ABLIM2: variants seen among roughly 807,000 people sequenced by gnomAD.
ABLIM2 encodes actin binding LIM protein family member 2.
Under a neutral mutation model 97.7 loss-of-function variants are expected in ABLIM2, and 53 were observed. That is an observed-to-expected ratio of 0.54 (90% CI 0.44 to 0.68). The LOEUF (loss-of-function observed/expected upper bound fraction) is 0.68, where lower values mean the gene tolerates loss of function less well. ABLIM2 is among the 30% of genes least tolerant of loss of function. ABLIM2 has a pLI of 0.00. For synonymous variants in ABLIM2, 361 were observed against 345.8 expected (o/e 1.04, Z -0.49); for missense variants, 835 against 867.2 (o/e 0.96, Z 0.47).
chr4:8,078,739 T>C (rs776821461), intron 5 of ABLIM2, among the ~76,000 whole-genome samples: 12 of 152,168 alleles, frequency 7.9e-5, no homozygotes, highest in Non-Finnish European at 1.8e-4. Flanking sequence ...CCCAACTGCA[T>C]AATGGGGGAA....
Position 8,112,031 on chromosome 4 carries a change from TCTAA to T in ABLIM2, c.11-5398_11-5395del, listed in dbSNP as rs1305209760. Among the ~76,000 whole-genome samples the T allele has an allele frequency of 1.3e-5, 2 of 152,090 alleles. No homozygotes were observed. The highest frequency in any genetic ancestry group is 4.8e-5 in the African/African-American group (2 of 41,386). Reference sequence around the variant, plus strand: ...CTCCAATAATTTGGCTTAACAAGTCTCTAACTGTGATAATAACATAGAACATAAA... The same window carrying T: ...CTCCAATAATTTGGCTTAACAAGTCTCTGTGATAATAACATAGAACATAAA... On this transcript the variant is annotated intron_variant, in intron 1 of 20. Transcript: ENST00000447017. This position sits in a 1 kb window ranked among gnomAD's most constrained non-coding sequence, Gnocchi z 4.2.
chr4:8,062,291 C>T (rs1561073524), intron 6 of ABLIM2, among the ~76,000 whole-genome samples: 1 of 152,222 alleles, frequency 6.6e-6, no homozygotes, highest in Admixed American at 6.5e-5. Flanking sequence ...AGCGCAGGGC[C>T]TGGCACCTGG....
intron 12 of ABLIM2, among the ~76,000 whole-genome samples, chr4:8,026,554 T>C (rs1207700655): frequency 6.6e-6 from 1 of 152,260 alleles, no homozygotes; most frequent in Non-Finnish European, 1.5e-5. Flanking sequence ...GGGAGGCTTT[T>C]CCAGAGACAT....
intron 1 of ABLIM2, among the ~76,000 whole-genome samples, chr4:8,133,635 G>A (rs978695153): frequency 6.6e-6 from 1 of 152,154 alleles, no homozygotes; most frequent in African/African-American, 2.4e-5. Flanking sequence ...CCCGGGTCCC[G>A]CTCTCCTCGC....
In ABLIM2 at chr4:8,005,095, A is replaced by C. The variant is rs1025608693; in HGVS notation, c.1618+2964T>G. Among the ~76,000 whole-genome samples, 1 of 152,148 alleles carries C rather than the reference A, an allele frequency of 6.6e-6. No homozygotes were observed. Among genetic ancestry groups the C allele is most frequent in the Non-Finnish European group, 1.5e-5 (1 of 68,018 alleles). ...TGAATGATGAACTCAGTCCCGGGTG[A>C]GATGTGCAGATGGTGTTGTGGGTGA... On this transcript the variant is annotated intron_variant, in intron 16 of 20. Transcript: ENST00000447017. The surrounding 1 kb of genome is among the most constrained non-coding windows in gnomAD (Gnocchi z 4.9).
chr4:7,997,435 G>C (rs1285460680), intron 16 of ABLIM2, among the ~76,000 whole-genome samples: 1 of 152,156 alleles, frequency 6.6e-6, no homozygotes, highest in African/African-American at 2.4e-5. Flanking sequence ...GGAATTGAAT[G>C]AAACAAATAT....
At chr4:8,031,726 A>ATTTTT (rs11312218) in intron 10 of ABLIM2, among the ~76,000 whole-genome samples, 1 of 139,914 alleles carries the variant, frequency 7.1e-6, no homozygotes, top group Non-Finnish European at 1.5e-5. Context: ...ATAAATATAC[A>ATTTTT]TTTTTTTTTT....
chr4:8,105,199 G>C lies in ABLIM2; in HGVS notation c.154+1295C>G, dbSNP rs571670176. 2.2e-4 allele frequency among the ~76,000 whole-genome samples: 33 copies of C among 152,306 alleles called. 1 individual carries two copies. In the South Asian group the frequency reaches 6.8e-3, roughly 32 times the overall value. Reference sequence around the variant, plus strand: ...CTGCCAGGCAGATTTCTACTCCCGAGGTTCTAGCCAGCACGCCACCTCCTC... The same window carrying C: ...CTGCCAGGCAGATTTCTACTCCCGACGTTCTAGCCAGCACGCCACCTCCTC... On this transcript the variant is annotated intron_variant, in intron 2 of 20. Coordinates refer to ENST00000447017, the MANE Select transcript of ABLIM2 (RefSeq NM_001130083.2).
intron 1 of ABLIM2, among the ~76,000 whole-genome samples, chr4:8,154,245 A>G (rs1281844875): frequency 1.4e-5 from 2 of 144,408 alleles, no homozygotes; most frequent in Non-Finnish European, 3.0e-5. Flanking sequence ...TACAGGCGTG[A>G]GCCACCGCAC....
At position 7,970,968 on chromosome 4, in the gene ABLIM2, C is replaced by T. The variant is rs1164670847; in HGVS notation, c.1825-3865G>A. 2.0e-5 allele frequency among the ~76,000 whole-genome samples: 3 copies of T among 152,178 alleles called. No individual in the cohort carries two copies. Among genetic ancestry groups the T allele is most frequent in the Middle Eastern group, 3.4e-3 (1 of 294 alleles). On this transcript the variant is annotated intron_variant, in intron 20 of 20. Transcript: ENST00000447017. The surrounding 1 kb of genome is among the most constrained non-coding windows in gnomAD (Gnocchi z 5.3). ...AGGCTCCAGTCCTGTTTTCTGTCTG[C>T]AGCGTGAGAGAACTTGGTTGCCTGG...
Position 7,970,890 on chromosome 4 carries a change from G to C in ABLIM2, c.1825-3787C>G, listed in dbSNP as rs73798054. 5.9e-3 allele frequency among the ~76,000 whole-genome samples: 901 copies of C among 152,110 alleles called. 11 individuals carry two copies. The highest frequency in any genetic ancestry group is 0.021 in the African/African-American group (856 of 41,512). The stretch of plus-strand genomic sequence containing the variant: ...AGGCCACTCGTATGTGGCCTACAGG[G>C]CCCAGGACTTGGGGCCAGGGGTCTA... On this transcript the variant is annotated intron_variant, in intron 20 of 20. Transcript: ENST00000447017. The surrounding 1 kb of genome is among the most constrained non-coding windows in gnomAD (Gnocchi z 5.3).
In ABLIM2 at chr4:8,032,374, G is replaced by T. The variant is rs974481382; in HGVS notation, c.1048-2598C>A. Among the ~76,000 whole-genome samples the T allele has an allele frequency of 6.6e-6, 1 of 152,162 alleles. No individual in the cohort carries two copies. Among genetic ancestry groups the T allele is most frequent in the Non-Finnish European group, 1.5e-5 (1 of 68,036 alleles). ...TGAATTTTCCCCTAAAGGAAGCCAC[G>T]GCCCAGACCACGATCTGCTCAGGGT... On this transcript the variant is annotated intron_variant, in intron 10 of 20. Transcript: ENST00000447017. The surrounding 1 kb of genome is among the most constrained non-coding windows in gnomAD (Gnocchi z 4.3).
intron 1 of ABLIM2, among the ~76,000 whole-genome samples, chr4:8,108,165 C>T (rs1474651705): frequency 6.6e-6 from 1 of 152,248 alleles, no homozygotes; most frequent in Non-Finnish European, 1.5e-5. Flanking sequence ...CAGTGGTCAA[C>T]CTGTCAGATA....
rs1230942337 is a variant in ABLIM2, at chr4:8,019,446, A to T, written c.1423+172T>A. Reference sequence around the variant, plus strand: ...ACCCTTCATCGTAATTTATCAGAACAGGACTCTCGGGAGGCTGCTAGTGAA... The same window carrying T: ...ACCCTTCATCGTAATTTATCAGAACTGGACTCTCGGGAGGCTGCTAGTGAA... On this transcript the variant is annotated intron_variant, in intron 14 of 20. Coordinates refer to ENST00000447017, the MANE Select transcript of ABLIM2 (RefSeq NM_001130083.2). The surrounding 1 kb of genome is among the most constrained non-coding windows in gnomAD (Gnocchi z 4.3). Among the ~76,000 whole-genome samples, 1 of 152,192 alleles carries T rather than the reference A, an allele frequency of 6.6e-6. No individual in the cohort carries two copies. The highest frequency in any genetic ancestry group is 1.9e-4 in the East Asian group (1 of 5,192).
intron 1 of ABLIM2, among the ~76,000 whole-genome samples, chr4:8,157,599 G>C (rs1366684738): frequency 2.0e-5 from 3 of 152,212 alleles, no homozygotes; most frequent in Non-Finnish European, 4.4e-5. Flanking sequence ...CCCCCTTCTA[G>C]GCCTACAGCC....
chr4:8,133,379 T>C (rs1222719471), intron 1 of ABLIM2, among the ~76,000 whole-genome samples: 1 of 151,568 alleles, frequency 6.6e-6, no homozygotes, highest in Non-Finnish European at 1.5e-5. Flanking sequence ...ATGTCCCCAT[T>C]AAGGGAGTTT....
At chr4:8,073,449 T>A (rs1813777317) in intron 6 of ABLIM2, among the ~76,000 whole-genome samples, 1 of 151,856 alleles carries the variant, frequency 6.6e-6, no homozygotes, top group South Asian at 2.1e-4. Context: ...AGGCAGTGCA[T>A]CAGGCCAGGC....
chr4:8,047,368 T>TCCA (rs1210589426), intron 8 of ABLIM2, among the ~76,000 whole-genome samples: 2 of 151,054 alleles, frequency 1.3e-5, no homozygotes, highest in Non-Finnish European at 1.5e-5. Flanking sequence ...TTCCTCCTCC[T>TCCA]CCTCCTCCTC....
chr4:7,979,309 T>G (rs562654357), intron 20 of ABLIM2, among the ~76,000 whole-genome samples: 1 of 152,238 alleles, frequency 6.6e-6, no homozygotes, highest in Non-Finnish European at 1.5e-5. Flanking sequence ...CTGACCGCAC[T>G]GACTGGCCAC....
Sources: allele counts gnomAD v4.1 joint callset (sites outside exome capture counted in the v4.1 genomes callset), GRCh38; gene constraint gnomAD v4.1.1; non-coding constraint Gnocchi (gnomAD v3.1); transcripts MANE v1.5; gene names NCBI Gene and HGNC (gene_info 2026-07-23, HGNC 2026-07-21).